DENND2A: variants seen among roughly 807,000 people sequenced by gnomAD.
The protein encoded by DENND2A is DENN domain-containing protein 2A.
In DENND2A, 53 loss-of-function variants were observed where a neutral mutation model predicts 105.3. The ratio of observed to expected loss-of-function variants is 0.50; its 90% CI spans 0.40 to 0.63. The LOEUF is 0.63. Among genes scored for constraint, DENND2A ranks in the 30% least tolerant of loss-of-function variants. DENND2A has a pLI of 0.00. For missense variants in DENND2A, 1,138 were observed against 1,279.6 expected (o/e 0.89, Z 1.69); for synonymous variants, 522 against 508.4 (o/e 1.03, Z -0.36).
intron 1 of DENND2A, among the ~76,000 whole-genome samples, chr7:140,631,186 C>T (rs1419491328): frequency 6.6e-6 from 1 of 152,104 alleles, no homozygotes; most frequent in Non-Finnish European, 1.5e-5. Flanking sequence ...CCATTAGTAA[C>T]CTAAGATATG....
In DENND2A at chr7:140,527,599, C is replaced by A; in HGVS notation, c.2328-104G>T. ...CAGAGACAGGATGACTAGGAAAGGA[C>A]ACACGTGGATGTGGATCCGGTGGAG... On this transcript the variant is annotated intron_variant, in intron 14 of 19. Transcript: ENST00000496613. The surrounding 1 kb of genome is among the most constrained non-coding windows in gnomAD (Gnocchi z 4.9). The A allele has an allele frequency of 8.1e-7, 1 of 1,241,266 alleles. No homozygotes were observed. Among genetic ancestry groups the A allele is most frequent in the Non-Finnish European group, 1.1e-6 (1 of 909,448 alleles). 76.9% of individuals were successfully genotyped at this position (1,241,266 alleles called of 1,614,324 possible). A position where few individuals can be genotyped will look rare whatever the true frequency, so the allele number is the denominator to read the frequency against.
At chr7:140,588,145 A>G (rs1756258697) in intron 3 of DENND2A, among the ~76,000 whole-genome samples, 1 of 152,140 alleles carries the variant, frequency 6.6e-6, no homozygotes, top group African/African-American at 2.4e-5. Flanking sequence ...TCCTGACCTC[A>G]GGTGATCTGC....
chr7:140,625,938 A>T (rs574996234), intron 1 of DENND2A, among the ~76,000 whole-genome samples: 64 of 152,326 alleles, frequency 4.2e-4, no homozygotes, highest in African/African-American at 1.4e-3. Flanking sequence ...CAGCTGATAC[A>T]AATTGAGCAC....
At chr7:140,628,615 C>T (rs770456947) in intron 1 of DENND2A, among the ~76,000 whole-genome samples, 10 of 148,482 alleles carry the variant, frequency 6.7e-5, no homozygotes, top group African/African-American at 2.0e-4. Flanking sequence ...TCTCAGCTCA[C>T]GGTAACCTCT....
intron 12 of DENND2A, among the ~76,000 whole-genome samples, chr7:140,551,841 C>T (rs529665633): frequency 6.6e-6 from 1 of 152,346 alleles, no homozygotes; most frequent in South Asian, 2.1e-4. Flanking sequence ...TTAGCTAAAG[C>T]TCTGGTTCTG....
intron 6 of DENND2A, among the ~76,000 whole-genome samples, chr7:140,572,143 C>T (rs1281999721): frequency 6.6e-6 from 1 of 152,082 alleles, no homozygotes; most frequent in Non-Finnish European, 1.5e-5. Context: ...GTAGCTGGGA[C>T]TACAAGTGCA....
chr7:140,520,656 T>A (rs2130447099), intron 18 of DENND2A, among the ~76,000 whole-genome samples: 1 of 152,030 alleles, frequency 6.6e-6, no homozygotes, highest in Non-Finnish European at 1.5e-5. Context: ...CCTCCTGGGT[T>A]CAAGCGCTTC....
intron 16 of DENND2A, 46 bp downstream of exon 16, chr7:140,525,705 T>G: frequency 6.5e-7 from 1 of 1,546,584 alleles, no homozygotes; most frequent in Non-Finnish European, 8.8e-7. Flanking sequence ...AAACAACAAA[T>G]AGGTAAAGAC....
intron 5 of DENND2A, among the ~76,000 whole-genome samples, chr7:140,578,306 C>A (rs1219333692): frequency 6.6e-6 from 1 of 152,160 alleles, no homozygotes; most frequent in Non-Finnish European, 1.5e-5. Flanking sequence ...GGTTCATTAA[C>A]CCTTCTTGTC....
At chr7:140,579,144 T>C (rs1271484722) in intron 5 of DENND2A, among the ~76,000 whole-genome samples, 2 of 151,232 alleles carry the variant, frequency 1.3e-5, no homozygotes, top group African/African-American at 4.9e-5. Flanking sequence ...AATACAAAAA[T>C]TAGCTGGGCA....
intron 5 of DENND2A, among the ~76,000 whole-genome samples, chr7:140,581,032 G>A (rs1039571649): frequency 6.6e-6 from 1 of 151,960 alleles, no homozygotes; most frequent in African/African-American, 2.4e-5. Flanking sequence ...GGAGGCTGAG[G>A]TGGGTGGATC....
intron 5 of DENND2A, among the ~76,000 whole-genome samples, chr7:140,574,682 T>G (rs1798232217): frequency 6.6e-6 from 1 of 152,198 alleles, no homozygotes. Flanking sequence ...CAAGGAATTG[T>G]GTTTCTTTGG....
chr7:140,603,763 T>G (rs759233435), intron 2 of DENND2A, among the ~76,000 whole-genome samples: 1 of 152,202 alleles, frequency 6.6e-6, no homozygotes, highest in Non-Finnish European at 1.5e-5. Context: ...TATTTAACCT[T>G]AAATCCAATG....
intron 1 of DENND2A, among the ~76,000 whole-genome samples, chr7:140,606,228 C>T (rs1013446970): frequency 2.0e-5 from 3 of 151,956 alleles, no homozygotes; most frequent in African/African-American, 4.8e-5. Context: ...TTAGTAGAGA[C>T]GGTTTTTCAC....
chr7:140,524,067 G>C (rs960799507), intron 16 of DENND2A, among the ~76,000 whole-genome samples: 1 of 152,170 alleles, frequency 6.6e-6, no homozygotes, highest in Admixed American at 6.6e-5. Context: ...TGGTAACCAG[G>C]GGATTCTGGC....
intron 1 of DENND2A, among the ~76,000 whole-genome samples, chr7:140,612,253 G>GAA (rs542011993): frequency 4.3e-5 from 6 of 138,690 alleles, no homozygotes; most frequent in African/African-American, 1.5e-4. Context: ...GAAAAAAAAG[G>GAA]AAAAAAAAAA....
chr7:140,630,004 G>A (rs1165872599), intron 1 of DENND2A, among the ~76,000 whole-genome samples: 2 of 151,784 alleles, frequency 1.3e-5, no homozygotes, highest in Non-Finnish European at 2.9e-5. Flanking sequence ...ATTACAACAG[G>A]TGCCTGCCAC....
intron 5 of DENND2A, among the ~76,000 whole-genome samples, chr7:140,581,528 A>G (rs1798541361): frequency 6.6e-6 from 1 of 152,114 alleles, no homozygotes. Context: ...ACATGGAGGG[A>G]CTGCTCCTGC....
intron 14 of DENND2A, among the ~76,000 whole-genome samples, chr7:140,542,861 T>C (rs7800558): frequency 0.5 from 75,762 of 151,904 alleles, 20,259 homozygotes; most frequent in African/African-American, 0.69. Context: ...CCACCGCGCC[T>C]GGCCTACTTT....
Sources: allele counts gnomAD v4.1 joint callset (sites outside exome capture counted in the v4.1 genomes callset), GRCh38; gene constraint gnomAD v4.1.1; non-coding constraint Gnocchi (gnomAD v3.1); transcripts MANE v1.5; gene names NCBI Gene and HGNC (gene_info 2026-07-23, HGNC 2026-07-21).